Variants in CFAP299 observed in about 807,000 individuals in gnomAD.
CFAP299 encodes cilia- and flagella-associated protein 299.
A neutral mutation model predicts 27.0 loss-of-function variants in CFAP299; 21 were observed. The observed-to-expected ratio is 0.78, with a 90% CI of 0.55 to 1.12. CFAP299 has a LOEUF of 1.12. Ranked by LOEUF, CFAP299 falls within the 50% of genes most tolerant of loss-of-function variation. CFAP299 has a pLI of 0.00. For synonymous variants in CFAP299, 104 were observed against 98.1 expected (o/e 1.06, Z -0.36); for missense variants, 310 against 276.6 (o/e 1.12, Z -0.86).
chr4:80,603,775 A>G (rs939213491), intron 3 of CFAP299, among the ~76,000 whole-genome samples: 6 of 152,222 alleles, frequency 3.9e-5, no homozygotes, highest in Non-Finnish European at 8.8e-5. Flanking sequence ...AATAAGGTTG[A>G]AAATACATAA....
intron 2 of CFAP299, among the ~76,000 whole-genome samples, chr4:80,406,936 G>T (rs566028766): frequency 3.5e-4 from 53 of 152,158 alleles, no homozygotes; most frequent in Non-Finnish European, 5.3e-4. Flanking sequence ...GTGGTAGGGC[G>T]CTGTATGTTT....
At chr4:80,720,881 A>G (rs1722771427) in intron 3 of CFAP299, among the ~76,000 whole-genome samples, 1 of 152,150 alleles carries the variant, frequency 6.6e-6, no homozygotes, top group Admixed American at 6.5e-5. Flanking sequence ...AAAAAATTAG[A>G]TGAAAGTCTA....
rs373308466 is a variant in CFAP299, at chr4:80,929,108, C to T, written c.477-15702C>T. 6.6e-5 allele frequency among the ~76,000 whole-genome samples: 10 copies of T among 152,280 alleles called. No individual in the cohort carries two copies. The South Asian group carries it at 1.9e-3, about 28-fold the overall frequency. ...GCAGACACTGACAAGGTGTTTCTTTCTAACATTTCTAAGTGGTAGTATCAG... is the reference window on the plus strand; with the variant it reads ...GCAGACACTGACAAGGTGTTTCTTTTTAACATTTCTAAGTGGTAGTATCAG... On this transcript the variant is annotated intron_variant, in intron 4 of 5. Coordinates refer to ENST00000358105, the MANE Select transcript of CFAP299 (RefSeq NM_152770.3).
At chr4:80,412,654 AT>A (rs1384696822) in intron 2 of CFAP299, among the ~76,000 whole-genome samples, 1 of 152,128 alleles carries the variant, frequency 6.6e-6, no homozygotes, top group African/African-American at 2.4e-5. Flanking sequence ...AAATGAGGAC[AT>A]TTTTCCAGCA....
intron 3 of CFAP299, among the ~76,000 whole-genome samples, chr4:80,626,436 G>T (rs1738908476): frequency 6.6e-6 from 1 of 151,672 alleles, no homozygotes. Flanking sequence ...AAAGGTAAAA[G>T]ATCTCAAATA....
intron 4 of CFAP299, among the ~76,000 whole-genome samples, chr4:80,926,608 T>C (rs1184233288): frequency 6.6e-6 from 1 of 152,022 alleles, no homozygotes; most frequent in African/African-American, 2.4e-5. Flanking sequence ...CATTTCTAGC[T>C]TGGATTCCTG....
chr4:80,595,186 T>C (rs1373529967), intron 3 of CFAP299, among the ~76,000 whole-genome samples: 2 of 152,174 alleles, frequency 1.3e-5, no homozygotes, highest in African/African-American at 4.8e-5. Flanking sequence ...TCCATATCTC[T>C]GGAATTCCTG....
chr4:80,326,110 G>A, the CFAP299 span, among the ~76,000 whole-genome samples: 1 of 152,160 alleles, frequency 6.6e-6, no homozygotes, highest in Admixed American at 6.5e-5. Context: ...GATCCTGGAA[G>A]GTAATTAATT....
chr4:80,377,236 T>G (rs1724461767), intron 2 of CFAP299, among the ~76,000 whole-genome samples: 1 of 152,130 alleles, frequency 6.6e-6, no homozygotes, highest in South Asian at 2.1e-4. Context: ...CTTTTAAAAC[T>G]TTAGAGTTCT....
At chr4:80,510,931 G>A (rs954015365) in intron 2 of CFAP299, among the ~76,000 whole-genome samples, 1 of 152,140 alleles carries the variant, frequency 6.6e-6, no homozygotes, top group African/African-American at 2.4e-5. Context: ...ATTCTGATGG[G>A]TAACTGATGA....
At chr4:80,917,476 A>G (rs747855738) in intron 4 of CFAP299, among the ~76,000 whole-genome samples, 4 of 152,298 alleles carry the variant, frequency 2.6e-5, no homozygotes, top group Non-Finnish European at 4.4e-5. Flanking sequence ...TATTGTAACA[A>G]TGGTACAGGA....
At chr4:80,558,837 T>C (rs1290341417) in intron 2 of CFAP299, among the ~76,000 whole-genome samples, 1 of 152,128 alleles carries the variant, frequency 6.6e-6, no homozygotes, top group Non-Finnish European at 1.5e-5. Flanking sequence ...CATTTAAAAA[T>C]AATATCTCAT....
At chr4:80,659,877 C>G (rs528315046) in intron 3 of CFAP299, among the ~76,000 whole-genome samples, 99 of 152,060 alleles carry the variant, frequency 6.5e-4, no homozygotes, top group African/African-American at 2.2e-3. Context: ...CTAACAAATT[C>G]AGGATAAATG....
chr4:80,953,729 A>C (rs865959342), intron 5 of CFAP299, among the ~76,000 whole-genome samples: 5 of 152,184 alleles, frequency 3.3e-5, no homozygotes, highest in Non-Finnish European at 7.3e-5. Context: ...ACACGAAAGA[A>C]AAAAATACAT....
chr4:80,720,847 T>G (rs1223480268), intron 3 of CFAP299, among the ~76,000 whole-genome samples: 1 of 152,058 alleles, frequency 6.6e-6, no homozygotes, highest in Admixed American at 6.5e-5. Context: ...ATATTAAAAG[T>G]TTTTATACCT....
At chr4:80,884,089 C>T (rs1733852651) in intron 4 of CFAP299, among the ~76,000 whole-genome samples, 1 of 152,106 alleles carries the variant, frequency 6.6e-6, no homozygotes, top group Admixed American at 6.6e-5. Context: ...CGTCATTTAG[C>T]TCCCACATAT....
At chr4:80,922,401 G>A (rs1434127456) in intron 4 of CFAP299, among the ~76,000 whole-genome samples, 5 of 151,956 alleles carry the variant, frequency 3.3e-5, no homozygotes, top group Non-Finnish European at 4.4e-5. Context: ...AAAACTTGAA[G>A]GATAATTTTC....
intron 2 of CFAP299, among the ~76,000 whole-genome samples, chr4:80,384,201 T>C (rs766169305): frequency 6.6e-6 from 1 of 152,188 alleles, no homozygotes; most frequent in Non-Finnish European, 1.5e-5. Context: ...GAATCTGTTC[T>C]ACTACCTGAT....
intron 3 of CFAP299, among the ~76,000 whole-genome samples, chr4:80,712,375 A>G (rs1282146865): frequency 9.9e-5 from 15 of 152,218 alleles, no homozygotes; most frequent in Admixed American, 9.8e-4. Flanking sequence ...AAGTTTCAAC[A>G]AAAACTTCAG....
Sources: gnomAD v4.1 joint callset for allele counts (sites outside exome capture counted in the v4.1 genomes callset) on GRCh38, gnomAD v4.1.1 for gene constraint, MANE v1.5 for transcripts, NCBI Gene and HGNC (gene_info 2026-07-23, HGNC 2026-07-21) for gene names.